The following GPM6A variants were observed in gnomAD, a reference collection of about 807,000 sequenced individuals.
The protein encoded by GPM6A is neuronal membrane glycoprotein M6-a.
Under a neutral mutation model 32.1 loss-of-function variants are expected in GPM6A, and 7 were observed. That is an observed-to-expected ratio of 0.22 (90% confidence interval 0.12 to 0.41). The LOEUF is 0.41. Among genes scored for constraint, GPM6A ranks in the 10% least tolerant of loss-of-function variants. The pLI is 1.00. For synonymous variants in GPM6A, 130 were observed against 123.4 expected, an observed-to-expected ratio of 1.05 and a Z score of -0.35; for missense variants, 235 against 347.2, an observed-to-expected ratio of 0.68 and a Z score of 2.57.
intron 4 of GPM6A, among the ~76,000 whole-genome samples, chr4:175,648,853 G>A (rs1270935328): frequency 6.6e-6 from 1 of 152,106 alleles, no homozygotes; most frequent in African/African-American, 2.4e-5. Context: ...GGCCCATCTG[G>A]CTAATCCAGG....
At chr4:175,668,070 T>A (rs988628301) in intron 3 of GPM6A, among the ~76,000 whole-genome samples, 1 of 152,206 alleles carries the variant, frequency 6.6e-6, no homozygotes, top group African/African-American at 2.4e-5. Context: ...TTCTATTTTA[T>A]CAATGCCACC....
At chr4:175,741,375 G>A (rs985734691) in intron 1 of GPM6A, among the ~76,000 whole-genome samples, 26 of 151,898 alleles carry the variant, frequency 1.7e-4, no homozygotes, top group African/African-American at 6.3e-4. Flanking sequence ...ATTTATTATA[G>A]CCACAAAACT....
At chr4:175,959,134 A>G (rs1405313925) in intron 1 of GPM6A, among the ~76,000 whole-genome samples, 3 of 152,204 alleles carry the variant, frequency 2.0e-5, no homozygotes, top group Non-Finnish European at 4.4e-5. Flanking sequence ...AGTGACTAAA[A>G]ACAGAGATTT....
At chr4:175,717,385 T>C (rs552249056) in intron 1 of GPM6A, among the ~76,000 whole-genome samples, 4 of 152,352 alleles carry the variant, frequency 2.6e-5, no homozygotes, top group South Asian at 4.1e-4. Context: ...TGTAGAATTC[T>C]CTTGATCATA....
chr4:175,688,833 T>A (rs991568192), intron 2 of GPM6A, among the ~76,000 whole-genome samples: 2 of 152,092 alleles, frequency 1.3e-5, no homozygotes, highest in African/African-American at 2.4e-5. Flanking sequence ...TGTTGGTTTT[T>A]GTTATTTTCT....
intron 6 of GPM6A, among the ~76,000 whole-genome samples, chr4:175,637,665 AATATATAT>A (rs1161373497): frequency 6.0e-5 from 1 of 16,682 alleles, no homozygotes; most frequent in Non-Finnish European, 2.2e-4. Context: ...TAAAATATAT[AATATATAT>A]AATATATATA....
At chr4:175,758,470 C>T (rs1732616474) in intron 1 of GPM6A, among the ~76,000 whole-genome samples, 1 of 152,100 alleles carries the variant, frequency 6.6e-6, no homozygotes, top group Non-Finnish European at 1.5e-5. Flanking sequence ...CAATTCCAAG[C>T]ATATGATTAT....
chr4:175,680,421 A>G (rs977739828), intron 2 of GPM6A, among the ~76,000 whole-genome samples: 6 of 152,192 alleles, frequency 3.9e-5, no homozygotes, highest in Admixed American at 1.3e-4. Flanking sequence ...AATCATATCT[A>G]TCTAGAAAGA....
chr4:175,733,797 C>T (rs540187168), intron 1 of GPM6A, among the ~76,000 whole-genome samples: 1 of 152,016 alleles, frequency 6.6e-6, no homozygotes, highest in Non-Finnish European at 1.5e-5. Flanking sequence ...AGTAGTGGGC[C>T]CACAGCATAG....
chr4:175,722,142 C>T (rs187980122), intron 1 of GPM6A, among the ~76,000 whole-genome samples: 1 of 151,992 alleles, frequency 6.6e-6, no homozygotes, highest in African/African-American at 2.4e-5. Context: ...CAAAAATTAG[C>T]CTGGTGCGGG....
chr4:175,755,293 G>T (rs1056044777), intron 1 of GPM6A, among the ~76,000 whole-genome samples: 4 of 151,818 alleles, frequency 2.6e-5, no homozygotes, highest in Non-Finnish European at 5.9e-5. Context: ...AAACAAATAT[G>T]GTATCCTTAG....
chr4:175,634,796 T>C lies in GPM6A; in HGVS notation c.*109A>G, dbSNP rs1740483290. On this transcript the variant is annotated 3_prime_UTR_variant, in exon 7 of 7. Coordinates refer to ENST00000393658, the MANE Select transcript of GPM6A (RefSeq NM_201591.3). The stretch of plus-strand genomic sequence containing the variant: ...CAGGTGATTCATAAGTCACCTTACA[T>C]ATCATTGATGAGAAGCACTTTCGTT... 1 of 775,194 alleles carries C rather than the reference T, an allele frequency of 1.3e-6. No individual in the cohort carries two copies. The allele number at this position is 775,194 out of a possible 1,614,324, so 48.0% of individuals were successfully genotyped here.
chr4:175,702,983 C>A (rs987745835), intron 1 of GPM6A, among the ~76,000 whole-genome samples: 1 of 152,104 alleles, frequency 6.6e-6, no homozygotes, highest in Non-Finnish European at 1.5e-5. Context: ...TTGGACACAC[C>A]AATCCCTGTG....
chr4:175,662,460 C>T (rs895818114), intron 3 of GPM6A, among the ~76,000 whole-genome samples: 5 of 152,042 alleles, frequency 3.3e-5, no homozygotes, highest in Admixed American at 2.6e-4. Context: ...ATTAGCCAGG[C>T]ATGGTGGTTT....
At chr4:175,930,556 CT>C (rs1739003831) in intron 1 of GPM6A, among the ~76,000 whole-genome samples, 1 of 151,824 alleles carries the variant, frequency 6.6e-6, no homozygotes, top group African/African-American at 2.4e-5. Context: ...ATACTCAACT[CT>C]GAATTTCAGT....
chr4:175,860,885 C>T (rs1267918061), intron 1 of GPM6A, among the ~76,000 whole-genome samples: 3 of 152,104 alleles, frequency 2.0e-5, no homozygotes, highest in Non-Finnish European at 4.4e-5. Flanking sequence ...GTTAAGGCTA[C>T]TCTTTATGTG....
intron 3 of GPM6A, among the ~76,000 whole-genome samples, chr4:175,663,518 A>C (rs980416025): frequency 1.3e-5 from 2 of 152,116 alleles, no homozygotes; most frequent in Non-Finnish European, 2.9e-5. Flanking sequence ...TTAAGAGAGT[A>C]GGTTTTAAGT....
At chr4:175,917,038 C>A (rs190415380) in intron 1 of GPM6A, among the ~76,000 whole-genome samples, 506 of 152,252 alleles carry the variant, frequency 3.3e-3, no homozygotes, top group Non-Finnish European at 6.0e-3. Context: ...ATTCTTTTAG[C>A]TAAGGATATC....
At chr4:175,744,731 C>T (rs1732028535) in intron 1 of GPM6A, among the ~76,000 whole-genome samples, 1 of 152,124 alleles carries the variant, frequency 6.6e-6, no homozygotes, top group Non-Finnish European at 1.5e-5. Context: ...AGCAGATAAA[C>T]ATTGAAACCT....
Sources: allele counts gnomAD v4.1 joint callset (sites outside exome capture counted in the v4.1 genomes callset), GRCh38; gene constraint gnomAD v4.1.1; transcripts MANE v1.5; gene names NCBI Gene and HGNC (gene_info 2026-07-23, HGNC 2026-07-21).